RALYL: variants seen among roughly 807,000 people sequenced by gnomAD.
RALYL encodes RNA-binding Raly-like protein.
RALYL carries 29 observed loss-of-function variants against 35.1 expected under a neutral mutation model. That is an observed-to-expected ratio of 0.83 (90% CI 0.61 to 1.13). The LOEUF is 1.13. Among genes scored for constraint, RALYL ranks in the 50% most tolerant of loss-of-function variants. RALYL has a pLI of 0.00. For missense variants in RALYL, 359 were observed against 360.4 expected, an observed-to-expected ratio of 1.00 and a Z score of 0.03; for synonymous variants, 120 against 127.6, an observed-to-expected ratio of 0.94 and a Z score of 0.40.
chr8:84,503,812 AGCCAAGATT>A (rs1360837508), intron 1 of RALYL, among the ~76,000 whole-genome samples: 1 of 151,432 alleles, frequency 6.6e-6, no homozygotes, highest in Admixed American at 6.6e-5. Flanking sequence ...GAGTGCAGTG[AGCCAAGATT>A]GCACTGCACT....
At chr8:84,749,694 G>A (rs1304128538) in intron 2 of RALYL, among the ~76,000 whole-genome samples, 1 of 152,142 alleles carries the variant, frequency 6.6e-6, no homozygotes, top group Non-Finnish European at 1.5e-5. Flanking sequence ...GGTTCACTGT[G>A]CACTGGTTAC....
intron 1 of RALYL, among the ~76,000 whole-genome samples, chr8:84,394,986 A>G (rs1463911737): frequency 6.6e-6 from 1 of 151,912 alleles, no homozygotes; most frequent in Non-Finnish European, 1.5e-5. Flanking sequence ...TGGAAAGGTC[A>G]ACATTGTTTA....
chr8:84,877,495 AATAT>A (rs141125949), intron 7 of RALYL, among the ~76,000 whole-genome samples: 2 of 149,328 alleles, frequency 1.3e-5, no homozygotes, highest in Admixed American at 6.7e-5. Flanking sequence ...AAAACAAATA[AATAT>A]ATATATATAT....
chr8:84,500,269 G>A (rs766604755), intron 1 of RALYL, among the ~76,000 whole-genome samples: 1 of 151,926 alleles, frequency 6.6e-6, no homozygotes. Flanking sequence ...CTTTTACTTC[G>A]TGATATCTGG....
chr8:84,774,534 G>T, intron 2 of RALYL, 45 bp from the exon 3 acceptor site: 1 of 1,247,706 alleles, frequency 8.0e-7, no homozygotes, highest in Non-Finnish European at 1.1e-6. Context: ...TTCTCAGATG[G>T]TTTCGTATTT....
chr8:84,666,760 T>C (rs187791709), intron 2 of RALYL, among the ~76,000 whole-genome samples: 1 of 152,234 alleles, frequency 6.6e-6, no homozygotes, highest in East Asian at 1.9e-4. Context: ...TCTTGCTTCA[T>C]ACTCCCAGAT....
At chr8:84,899,138 C>T (rs1024234166) in intron 8 of RALYL, among the ~76,000 whole-genome samples, 3 of 152,126 alleles carry the variant, frequency 2.0e-5, no homozygotes, top group African/African-American at 4.8e-5. Flanking sequence ...ACCCATTCTA[C>T]CTTTTATTTT....
At chr8:84,311,693 A>T (rs758275771) in intron 1 of RALYL, among the ~76,000 whole-genome samples, 1 of 152,186 alleles carries the variant, frequency 6.6e-6, no homozygotes, top group Non-Finnish European at 1.5e-5. Context: ...TGGATAAGAA[A>T]AAAGAATAAA....
At chr8:84,420,406 T>G (rs1245355967) in intron 1 of RALYL, among the ~76,000 whole-genome samples, 1 of 152,166 alleles carries the variant, frequency 6.6e-6, no homozygotes, top group Non-Finnish European at 1.5e-5. Flanking sequence ...TGTTTTTTTC[T>G]TGTACATTTG....
At chr8:84,806,607 AGTGGG>A (rs1824673373) in intron 4 of RALYL, among the ~76,000 whole-genome samples, 1 of 152,100 alleles carries the variant, frequency 6.6e-6, no homozygotes, top group African/African-American at 2.4e-5. Flanking sequence ...CAATGCTCAA[AGTGGG>A]AAAATTAGCA....
chr8:84,451,407 G>T (rs1046580186), intron 1 of RALYL, among the ~76,000 whole-genome samples: 5 of 151,838 alleles, frequency 3.3e-5, no homozygotes, highest in African/African-American at 1.2e-4. Context: ...ATATTTTCAG[G>T]TCACAGCCCA....
At chr8:84,896,502 C>G (rs1398662903) in intron 8 of RALYL, among the ~76,000 whole-genome samples, 1 of 152,196 alleles carries the variant, frequency 6.6e-6, no homozygotes, top group African/African-American at 2.4e-5. Flanking sequence ...TCTCTAATAA[C>G]TGCCTACCTT....
chr8:84,609,088 T>C (rs1371074239), intron 2 of RALYL, among the ~76,000 whole-genome samples: 1 of 152,152 alleles, frequency 6.6e-6, no homozygotes, highest in African/African-American at 2.4e-5. Flanking sequence ...CTTCCTCATA[T>C]GTCTCAGAAC....
chr8:84,735,177 C>A (rs1004693589), intron 2 of RALYL, among the ~76,000 whole-genome samples: 14 of 151,852 alleles, frequency 9.2e-5, no homozygotes, highest in Non-Finnish European at 1.9e-4. Flanking sequence ...CAAGGAGTAG[C>A]CTGGGTATCA....
At chr8:84,372,903 T>TTTTTTG in intron 1 of RALYL, among the ~76,000 whole-genome samples, 1 of 140,886 alleles carries the variant, frequency 7.1e-6, no homozygotes, top group Non-Finnish European at 1.5e-5. Context: ...TTTTTTTTTT[T>TTTTTTG]TTTTTTTTTT....
chr8:84,453,922 T>A (rs1343279013), intron 1 of RALYL, among the ~76,000 whole-genome samples: 1 of 152,048 alleles, frequency 6.6e-6, no homozygotes, highest in Non-Finnish European at 1.5e-5. Context: ...TTTATTTGTT[T>A]ATTTATACCA....
At chr8:84,669,922 A>G (rs1047815162) in intron 2 of RALYL, among the ~76,000 whole-genome samples, 6 of 152,218 alleles carry the variant, frequency 3.9e-5, no homozygotes, top group Admixed American at 1.3e-4. Flanking sequence ...GCAAACTACA[A>G]GTGCGCATTT....
chr8:84,715,544 C>G (rs1203729136), intron 2 of RALYL, among the ~76,000 whole-genome samples: 1 of 151,858 alleles, frequency 6.6e-6, no homozygotes, highest in Non-Finnish European at 1.5e-5. Flanking sequence ...GAAAAAATAT[C>G]TTGAGGAAAG....
intron 5 of RALYL, among the ~76,000 whole-genome samples, chr8:84,856,484 C>T (rs1482273661): frequency 6.6e-6 from 1 of 152,130 alleles, no homozygotes; most frequent in Non-Finnish European, 1.5e-5. Flanking sequence ...CCTTTAAAAG[C>T]ATGTTCAAGA....
Sources: gnomAD v4.1 joint callset for allele counts (sites outside exome capture counted in the v4.1 genomes callset) on GRCh38, gnomAD v4.1.1 for gene constraint, MANE v1.5 for transcripts, NCBI Gene and HGNC (gene_info 2026-07-23, HGNC 2026-07-21) for gene names.